Variants in CHL1 observed in about 807,000 individuals in gnomAD.
CHL1 encodes the protein cell adhesion molecule L1 like.
A neutral mutation model predicts 141.9 loss-of-function variants in CHL1; 96 were observed. The observed-to-expected ratio is 0.68, with a 90% CI of 0.57 to 0.80. The LOEUF (loss-of-function observed/expected upper bound fraction) is 0.80. Among genes scored for constraint, CHL1 ranks in the 30% least tolerant of loss-of-function variants. CHL1 has a pLI of 0.00. For missense variants in CHL1, 1,820 were observed against 1,457.2 expected, an observed-to-expected ratio of 1.25 and a Z score of -4.05; for synonymous variants, 613 against 502.2, an observed-to-expected ratio of 1.22 and a Z score of -2.95.
chr3:242,469 G>GGATT (rs1692728356), intron 1 of CHL1, among the ~76,000 whole-genome samples: 1 of 146,112 alleles, frequency 6.8e-6, no homozygotes, highest in Admixed American at 6.9e-5. Flanking sequence ...GGTGGTGGGC[G>GGATT]CCTGTAGTCC....
rs1219064705 is a variant in CHL1, at chr3:394,859, C to T, written c.3081C>T (p.Thr1027=). The change falls in exon 24 of 28, where the codon ACC becomes ACT. Residue 1027 remains threonine (T), a synonymous_variant. Coordinates refer to ENST00000256509, the MANE Select transcript of CHL1 (RefSeq NM_006614.4). ...AACCGATCACGGAGGAAAGCTCCAC[C>T]TTAGGAGAAGGGAGTAAGTACATGA... ...CGKPITEESS[T]LGEGSKGIGK... is the part of the protein sequence containing the mutation. 3 of 1,611,230 alleles carry T rather than the reference C, an allele frequency of 1.9e-6. No homozygotes were observed. Among genetic ancestry groups the T allele is most frequent in the South Asian group, 1.1e-5 (1 of 90,410 alleles).
At chr3:358,477 G>C (rs558896986) in intron 11 of CHL1, among the ~76,000 whole-genome samples, 50 of 152,194 alleles carry the variant, frequency 3.3e-4, no homozygotes, top group Non-Finnish European at 6.3e-4. Context: ...TCCATGTAAA[G>C]TAACAAAGTC....
chr3:377,237 AG>A (rs1706446467), intron 15 of CHL1, among the ~76,000 whole-genome samples: 1 of 152,224 alleles, frequency 6.6e-6, no homozygotes, highest in African/African-American at 2.4e-5. Flanking sequence ...ATTTGCAAAA[AG>A]AAGTACTACA....
At chr3:328,139 G>C in intron 4 of CHL1, 28 bp from the exon 5 acceptor site, 1 of 1,553,564 alleles carries the variant, frequency 6.4e-7, no homozygotes, top group Non-Finnish European at 8.8e-7. Flanking sequence ...TATTTTTCAG[G>C]ATTATTAAGT....
chr3:380,087 G>A (rs1324818182), intron 16 of CHL1, among the ~76,000 whole-genome samples: 1 of 152,166 alleles, frequency 6.6e-6, no homozygotes, highest in Non-Finnish European at 1.5e-5. Flanking sequence ...TTTAATATCA[G>A]ATGCAATACA....
At chr3:352,586 T>C (rs531783321) in intron 10 of CHL1, among the ~76,000 whole-genome samples, 51 of 152,276 alleles carry the variant, frequency 3.3e-4, no homozygotes, top group Non-Finnish European at 6.5e-4. Flanking sequence ...ATGAGGATGG[T>C]ATTTTTCCTC....
chr3:302,023 C>T (rs1027881681), intron 2 of CHL1, among the ~76,000 whole-genome samples: 1 of 152,176 alleles, frequency 6.6e-6, no homozygotes, highest in Admixed American at 6.5e-5. Context: ...CTTGTGATAG[C>T]TTGCTGAGAA....
intron 9 of CHL1, among the ~76,000 whole-genome samples, chr3:348,299 C>A (rs1326280456): frequency 6.6e-6 from 1 of 152,066 alleles, no homozygotes. Flanking sequence ...ATAATATGCC[C>A]ATCTTTAGAA....
intron 15 of CHL1, among the ~76,000 whole-genome samples, chr3:374,984 G>A (rs1384882250): frequency 1.3e-5 from 2 of 152,128 alleles, no homozygotes; most frequent in African/African-American, 2.4e-5. Flanking sequence ...CCTTTCTTGT[G>A]TAGGGATGCA....
chr3:392,508 G>A (rs542122922), intron 23 of CHL1, among the ~76,000 whole-genome samples: 36 of 152,316 alleles, frequency 2.4e-4, no homozygotes, highest in Admixed American at 2.2e-3. Context: ...TAATAGCAGC[G>A]CGTTCCCTCT....
chr3:359,876 A>T (rs1299161239), intron 11 of CHL1, among the ~76,000 whole-genome samples: 7 of 152,194 alleles, frequency 4.6e-5, no homozygotes, highest in African/African-American at 1.7e-4. Context: ...AGCAGCCAGT[A>T]CTGGTAGCTA....
intron 2 of CHL1, among the ~76,000 whole-genome samples, chr3:298,113 A>G (rs1202642043): frequency 1.3e-5 from 2 of 152,242 alleles, no homozygotes; most frequent in Non-Finnish European, 2.9e-5. Flanking sequence ...CTCAGGAAAG[A>G]GACAACATAT....
At chr3:238,926 T>G (rs1213748617) in intron 1 of CHL1, among the ~76,000 whole-genome samples, 6 of 150,902 alleles carry the variant, frequency 4.0e-5, no homozygotes, top group African/African-American at 1.5e-4. Context: ...AGAGCAAGAC[T>G]TCTAAAACAA....
intron 1 of CHL1, among the ~76,000 whole-genome samples, chr3:222,123 C>T (rs1218230850): frequency 3.3e-5 from 5 of 152,172 alleles, no homozygotes; most frequent in Non-Finnish European, 5.9e-5. Flanking sequence ...GTATTAGTTT[C>T]CCATTATGGT....
intron 5 of CHL1, among the ~76,000 whole-genome samples, chr3:339,327 G>A (rs1702181310): frequency 1.3e-5 from 2 of 152,182 alleles, no homozygotes; most frequent in African/African-American, 4.8e-5. Flanking sequence ...CAAATAGCTG[G>A]CATGATGTTT....
rs777078645 is a variant in CHL1 at position 383,826 on chromosome 3, G to A, written c.2187G>A (p.Arg729=). ...HHETPPAAPD[R]NPQNIRVQAS... is the part of the protein sequence containing the mutation. The stretch of plus-strand genomic sequence containing the variant: ...TTTTTAATTTTTCAGCTCCAGATAG[G>A]AATCCACAAAACATAAGGGTTCAAG... The change falls in exon 19 of 28, where the codon AGG becomes AGA. Residue 729 remains arginine, a synonymous_variant. Transcript: ENST00000256509. The A allele has an allele frequency of 6.2e-7, 1 of 1,609,344 alleles. No homozygotes were observed. Among genetic ancestry groups the A allele is most frequent in the African/African-American group, 1.3e-5 (1 of 74,914 alleles).
At chr3:293,413 G>C (rs1245262278) in intron 2 of CHL1, among the ~76,000 whole-genome samples, 1 of 152,128 alleles carries the variant, frequency 6.6e-6, no homozygotes, top group Admixed American at 6.5e-5. Flanking sequence ...TGTAGCACAA[G>C]AATCGCTTCA....
intron 22 of CHL1, 81 bp downstream of exon 22, chr3:391,240 C>T (rs1708204444): frequency 9.0e-7 from 1 of 1,109,670 alleles, no homozygotes; most frequent in Non-Finnish European, 1.4e-6. Flanking sequence ...TATGGCCAGG[C>T]ACAGTGGCTC....
intron 2 of CHL1, chr3:248,087 A>T (rs1167031264): frequency 3.9e-5 from 6 of 152,022 alleles, no homozygotes; most frequent in Non-Finnish European, 1.5e-5. Flanking sequence ...TTTCTTCCTT[A>T]GCCAAACACC....
Sources: gnomAD v4.1 joint callset for allele counts (sites outside exome capture counted in the v4.1 genomes callset) on GRCh38, gnomAD v4.1.1 for gene constraint, MANE v1.5 for transcripts, NCBI Gene and HGNC (gene_info 2026-07-23, HGNC 2026-07-21) for gene names.